Variants in PWWP2A observed in about 807,000 individuals in gnomAD.
PWWP2A encodes PWWP domain-containing protein 2A.
Under a neutral mutation model 48.5 loss-of-function variants are expected in PWWP2A, and 18 were observed. The observed-to-expected ratio is 0.37, with a 90% CI of 0.26 to 0.55. PWWP2A has a LOEUF of 0.55. PWWP2A is among the 20% of genes least tolerant of loss of function. PWWP2A has a pLI of 0.81. For synonymous variants in PWWP2A, 396 were observed against 387.7 expected (o/e 1.02, Z -0.25); for missense variants, 867 against 976.4 (o/e 0.89, Z 1.49).
Position 160,115,137 on chromosome 5 carries a change from C to CAAA in PWWP2A, c.584+3665_584+3667dup, listed in dbSNP as rs535110852. ...CCTGGGTAACAGAGGGAGACTCTGT[C>CAAA]AAAAAAAAAAAAAAAAAAAAAAAAA... is the stretch of plus-strand genomic sequence containing the variant. On this transcript the variant is annotated intron_variant, in intron 1 of 1. Coordinates refer to ENST00000307063, the MANE Select transcript of PWWP2A (RefSeq NM_001130864.2). Among the ~76,000 whole-genome samples, 359 of 88,322 alleles carry CAAA rather than the reference C, an allele frequency of 4.1e-3. 26 individuals carry two copies. Among genetic ancestry groups the CAAA allele is most frequent in the East Asian group, 7.1e-3 (24 of 3,370 alleles). 57.9% of individuals were successfully genotyped at this position (88,322 alleles called of 152,430 possible).
At chr5:160,109,189 G>A (rs564332215) in intron 1 of PWWP2A, among the ~76,000 whole-genome samples, 1 of 152,122 alleles carries the variant, frequency 6.6e-6, no homozygotes, top group Non-Finnish European at 1.5e-5. Flanking sequence ...TCGCCATGTT[G>A]GCCAGGCTGG....
chr5:160,081,734 G>A (rs1049539298), intron 2 of PWWP2A, among the ~76,000 whole-genome samples: 3 of 152,114 alleles, frequency 2.0e-5, no homozygotes, highest in Admixed American at 6.6e-5. Context: ...AATACTAAGC[G>A]TAATTTAAAT....
chr5:160,049,241 A>G, the PWWP2A span, among the ~76,000 whole-genome samples: 2 of 152,204 alleles, frequency 1.3e-5, no homozygotes, highest in East Asian at 3.8e-4. Context: ...GAACACACCT[A>G]TCCTTTTTTG....
chr5:160,052,995 A>G, the PWWP2A span, among the ~76,000 whole-genome samples: 35 of 152,328 alleles, frequency 2.3e-4, no homozygotes, highest in African/African-American at 7.5e-4. Context: ...GAGTATAAAA[A>G]TCATGAATAA....
Position 160,080,706 on chromosome 5 carries a change from C to CA in PWWP2A, c.1613dup (p.Thr539AspfsTer35). ...CCAGTCTGAATCCACAGTGGTCTGTCAGACACTGTAAGGGAGCAGCAGGAC... is the reference window on the plus strand; with the variant it reads ...CCAGTCTGAATCCACAGTGGTCTGTCAAGACACTGTAAGGGAGCAGCAGGAC... On this transcript the variant is annotated frameshift_variant, in exon 3 of 4. Coordinates refer to the PWWP2A transcript ENST00000456329. LOFTEE classifies it high-confidence loss of function. The CA allele has an allele frequency of 3.2e-6, 5 of 1,575,380 alleles. No homozygotes were observed. Among genetic ancestry groups the CA allele is most frequent in the Non-Finnish European group, 4.3e-6 (5 of 1,158,458 alleles).
At chr5:160,050,120 T>C in the PWWP2A span, among the ~76,000 whole-genome samples, 1 of 151,374 alleles carries the variant, frequency 6.6e-6, no homozygotes, top group East Asian at 2.0e-4. Context: ...CTGCATTCCA[T>C]CATGGGCAAC....
At chr5:160,097,401 C>T (rs1230593059) in intron 1 of PWWP2A, among the ~76,000 whole-genome samples, 1 of 137,672 alleles carries the variant, frequency 7.3e-6, no homozygotes, top group East Asian at 2.3e-4. Context: ...AATCCCAACA[C>T]TTTGGGAGGC....
At chr5:160,096,007 C>CA (rs1307338937) in intron 1 of PWWP2A, among the ~76,000 whole-genome samples, 8 of 152,164 alleles carry the variant, frequency 5.3e-5, no homozygotes, top group Middle Eastern at 3.4e-3. Flanking sequence ...CTTATGCTCC[C>CA]AAAAAGGTTC....
the PWWP2A span, among the ~76,000 whole-genome samples, chr5:160,051,682 T>C: frequency 6.6e-6 from 1 of 152,096 alleles, no homozygotes; most frequent in Non-Finnish European, 1.5e-5. Context: ...GGGGTAGGGG[T>C]AGGGCAAATG....
In PWWP2A at chr5:160,109,788, T is replaced by TAAAATAATATAATA. The variant is rs1561698647; in HGVS notation, c.584+9016_584+9017insTATTATATTATTTT. Among the ~76,000 whole-genome samples the TAAAATAATATAATA allele has an allele frequency of 1.7e-5, 2 of 117,474 alleles. 1 individual carries two copies. The highest frequency in any genetic ancestry group is 3.5e-5 in the Non-Finnish European group (2 of 56,376). The allele number at this position is 117,474 out of a possible 152,430, so 77.1% of individuals were successfully genotyped here. ...AAAAAAAAAAAAATATATATATATA[T>TAAAATAATATAATA]ATATATATATATATATATATAAAAT... On this transcript the variant is annotated intron_variant, in intron 1 of 1. Transcript: ENST00000307063.
In PWWP2A at chr5:160,077,947, AGTT is replaced by A; in HGVS notation, c.*205_*207del. ...CTCATCTCATGCATAATTTATTGCA[AGTT>A]TATTTTTTATAAAATATTCCCTAAT... On this transcript the variant is annotated 3_prime_UTR_variant, in exon 4 of 4. Transcript: ENST00000456329. The surrounding 1 kb of genome is among the most constrained non-coding windows in gnomAD (Gnocchi z 4.2). 1 of 500,842 alleles carries A rather than the reference AGTT, an allele frequency of 2.0e-6. No homozygotes were observed. 31.0% of individuals were successfully genotyped at this position (500,842 alleles called of 1,614,324 possible).
intron 1 of PWWP2A, among the ~76,000 whole-genome samples, chr5:160,109,820 A>AT (rs1757364555): frequency 8.4e-6 from 1 of 118,992 alleles, no homozygotes; most frequent in Non-Finnish European, 1.8e-5. Flanking sequence ...AAATAATATA[A>AT]TAATATATAT....
chr5:160,070,048 A>G (rs1341438616), intron 2 of PWWP2A, among the ~76,000 whole-genome samples: 1 of 152,218 alleles, frequency 6.6e-6, no homozygotes, highest in African/African-American at 2.4e-5. Flanking sequence ...GGAAATTGGG[A>G]TTTCTACAAC....
At chr5:160,051,781 A>G in the PWWP2A span, among the ~76,000 whole-genome samples, 2 of 152,218 alleles carry the variant, frequency 1.3e-5, no homozygotes, top group Admixed American at 1.3e-4. Flanking sequence ...CTTAAGTAAG[A>G]GGAGTGAGGG....
At chr5:160,117,053 C>CT (rs1387831767) in intron 1 of PWWP2A, among the ~76,000 whole-genome samples, 2 of 152,108 alleles carry the variant, frequency 1.3e-5, no homozygotes, top group African/African-American at 4.8e-5. Context: ...GATTGTACCA[C>CT]TGCAGCCTGG....
chr5:160,068,380 A>G (rs1753666442), intron 2 of PWWP2A, among the ~76,000 whole-genome samples: 1 of 152,068 alleles, frequency 6.6e-6, no homozygotes, highest in South Asian at 2.1e-4. Context: ...CAGGCAGATC[A>G]CCTGAGGTCA....
chr5:160,111,363 T>C (rs1193085784), intron 1 of PWWP2A, among the ~76,000 whole-genome samples: 2 of 152,164 alleles, frequency 1.3e-5, no homozygotes, highest in Non-Finnish European at 2.9e-5. Context: ...TGACAGGGTT[T>C]CATCATATTG....
intron 1 of PWWP2A, among the ~76,000 whole-genome samples, chr5:160,099,451 T>C (rs1347664627): frequency 6.6e-6 from 1 of 152,136 alleles, no homozygotes; most frequent in African/African-American, 2.4e-5. Flanking sequence ...TGCAATTCCT[T>C]GAAAATAAAA....
At chr5:160,076,619 A>G (rs1753899415) in exon 4 of PWWP2A, 1 of 152,242 alleles carries the variant, frequency 6.6e-6, no homozygotes, top group African/African-American at 2.4e-5. Context: ...TAGAATTTGC[A>G]TTAAGCTCAT....
Sources: allele counts gnomAD v4.1 joint callset (sites outside exome capture counted in the v4.1 genomes callset), GRCh38; gene constraint gnomAD v4.1.1; non-coding constraint Gnocchi (gnomAD v3.1); transcripts MANE v1.5; gene names NCBI Gene and HGNC (gene_info 2026-07-23, HGNC 2026-07-21).